DMD: variants seen among roughly 807,000 people sequenced by gnomAD.
The protein encoded by DMD is dystrophin, also known as mutant dystrophin.
Under a neutral mutation model 330.1 loss-of-function variants are expected in DMD, and 63 were observed. The observed-to-expected ratio is 0.19, with a 90% confidence interval of 0.16 to 0.24. The LOEUF (loss-of-function observed/expected upper bound fraction) is 0.24, where lower values mean the gene tolerates loss of function less well. Ranked by LOEUF, DMD falls within the 10% of genes least tolerant of loss-of-function variation. The pLI, the probability that DMD is intolerant of heterozygous loss-of-function variation, is 1.00. For missense variants in DMD, 3,344 were observed against 2,684.1 expected, an observed-to-expected ratio of 1.25 and a Z score of -5.43; for synonymous variants, 1,223 against 959.8, an observed-to-expected ratio of 1.27 and a Z score of -5.07.
chrX:31,719,497 G>A (rs1603451069), intron 52 of DMD, among the ~76,000 whole-genome samples: 1 of 111,770 alleles, frequency 8.9e-6, no homozygotes, highest in East Asian at 2.8e-4. Flanking sequence ...GCCAGGCTGA[G>A]TGGACCTGAG....
chrX:32,775,354 C>G (rs2074032351), intron 7 of DMD, among the ~76,000 whole-genome samples: 1 of 112,702 alleles, frequency 8.9e-6, no homozygotes, highest in African/African-American at 3.2e-5. Context: ...GGGGGAAGGG[C>G]TCCAACCCCA....
At chrX:31,122,523 G>A (rs955298504) in intron 78 of DMD, among the ~76,000 whole-genome samples, 1 of 111,253 alleles carries the variant, frequency 9.0e-6, no homozygotes, top group Non-Finnish European at 1.9e-5. Context: ...TATGGTGGAG[G>A]TGGCTATTTT....
At chrX:32,999,516 A>T (rs1439420688) in intron 2 of DMD, among the ~76,000 whole-genome samples, 1 of 111,576 alleles carries the variant, frequency 9.0e-6, no homozygotes, top group East Asian at 2.8e-4. Context: ...ATTGATGACC[A>T]ACGCAGAATC....
At chrX:32,408,816 A>T (rs1026602872) in intron 30 of DMD, among the ~76,000 whole-genome samples, 1 of 111,516 alleles carries the variant, frequency 9.0e-6, no homozygotes, top group East Asian at 2.8e-4. Flanking sequence ...TTTTGTTAAT[A>T]CAATGCATTG....
At chrX:32,925,113 A>T (rs1188520695) in intron 2 of DMD, among the ~76,000 whole-genome samples, 1 of 103,537 alleles carries the variant, frequency 9.7e-6, no homozygotes, top group Admixed American at 1.1e-4. Context: ...GTATTTTTCC[A>T]AATGACTAAG....
chrX:31,666,712 A>G (rs1245533760), intron 53 of DMD, among the ~76,000 whole-genome samples: 1 of 112,078 alleles, frequency 8.9e-6, no homozygotes, highest in Non-Finnish European at 1.9e-5. Context: ...TTTCTGAACT[A>G]CAGGTAACAT....
At chrX:31,718,870 CAA>C (rs953405541) in intron 52 of DMD, among the ~76,000 whole-genome samples, 3 of 111,285 alleles carry the variant, frequency 2.7e-5, no homozygotes, top group Non-Finnish European at 3.8e-5. Context: ...ATCCTAACAC[CAA>C]ACTAGTATGG....
rs189533833 is a variant in DMD at position 33,256,631 on chromosome X, G to T, written c.7+82628C>A. On this transcript the variant is annotated intron_variant, in intron 1 of 17. Coordinates refer to the DMD transcript ENST00000288447. ...TGTACACCTGTCATCTCAAAAGAAG[G>T]TATATTTACATATTAATTTTATATT... Among the ~76,000 whole-genome samples the T allele has an allele frequency of 1.0e-4, 11 of 108,344 alleles. No individual in the cohort carries two copies. The East Asian group carries it at 2.6e-3, about 25-fold the overall frequency. 94.1% of individuals were successfully genotyped at this position (108,344 alleles called of 115,157 possible). A position where few individuals can be genotyped will look rare whatever the true frequency, so the allele number is the denominator to read the frequency against.
intron 44 of DMD, among the ~76,000 whole-genome samples, chrX:32,136,868 G>T (rs111861684): frequency 1.8e-5 from 2 of 108,532 alleles, no homozygotes; most frequent in African/African-American, 6.7e-5. Context: ...GTGGGGTGGG[G>T]GGAAGGGGGA....
Position 31,449,783 on chromosome X carries a change from T to TAGATAGATAGATAG in DMD, c.8938-5157_8938-5156insCTATCTATCTATCT, listed in dbSNP as rs1270288954. Among the ~76,000 whole-genome samples the TAGATAGATAGATAG allele has an allele frequency of 3.7e-4, 34 of 90,949 alleles. No individual in the cohort carries two copies. In the South Asian group the frequency reaches 3.9e-3, roughly 10 times the overall value. The allele number at this position is 90,949 out of a possible 115,157, so 79.0% of individuals were successfully genotyped here. ...GGTGTGATATATATATATATATATA[T>TAGATAGATAGATAG]ATATATATATATATAGATAGATAGA... is the stretch of plus-strand genomic sequence containing the variant. On this transcript the variant is annotated intron_variant, in intron 59 of 78. Coordinates refer to ENST00000357033, the MANE Select transcript of DMD (RefSeq NM_004006.3).
At chrX:32,999,805 A>AAAAAG (rs1569548093) in intron 2 of DMD, among the ~76,000 whole-genome samples, 1 of 94,781 alleles carries the variant, frequency 1.1e-5, no homozygotes, top group South Asian at 4.5e-4. Context: ...AAAACAAAAA[A>AAAAAG]CAAAAAAAAA....
rs112168213 is a variant in DMD at position 32,655,147 on chromosome X, C to T, written c.961-9995G>A. ...TGTGTCTCTATTTCCTTCAGTTGGG[C>T]TCTGATCTTAGTTATTTCTTGCCTT... is the stretch of plus-strand genomic sequence containing the variant. On this transcript the variant is annotated intron_variant, in intron 9 of 78. Transcript: ENST00000357033. 4.9e-3 allele frequency among the ~76,000 whole-genome samples: 549 copies of T among 111,466 alleles called. 2 individuals carry two copies. Among genetic ancestry groups the T allele is most frequent in the Non-Finnish European group, 8.2e-3 (437 of 53,113 alleles).
intron 1 of DMD, among the ~76,000 whole-genome samples, chrX:33,236,913 A>AT (rs1460475631): frequency 1.8e-5 from 2 of 111,024 alleles, no homozygotes; most frequent in African/African-American, 6.6e-5. Context: ...AATTATGTAT[A>AT]TTTTATCAGC....
chrX:32,574,923 G>T (rs186839164), intron 13 of DMD, among the ~76,000 whole-genome samples: 3,454 of 105,544 alleles, frequency 0.033, 136 homozygotes, highest in African/African-American at 0.11. Context: ...TGTAGACAGA[G>T]TTTTGCTCCT....
chrX:31,705,809 T>G (rs2084142591), intron 52 of DMD, among the ~76,000 whole-genome samples: 1 of 111,506 alleles, frequency 9.0e-6, no homozygotes, highest in Non-Finnish European at 1.9e-5. Context: ...ATAGATGAAA[T>G]AGGTGAGAGG....
chrX:33,165,953 A>G (rs989657201), intron 1 of DMD, among the ~76,000 whole-genome samples: 1 of 111,406 alleles, frequency 9.0e-6, no homozygotes, highest in African/African-American at 3.3e-5. Flanking sequence ...GAAGCGCTCA[A>G]GTTTTGATGT....
At chrX:32,914,078 A>G (rs1938326865) in intron 2 of DMD, among the ~76,000 whole-genome samples, 1 of 111,719 alleles carries the variant, frequency 9.0e-6, no homozygotes, top group Non-Finnish European at 1.9e-5. Flanking sequence ...AATCCAAACT[A>G]AGACAAACTG....
intron 45 of DMD, among the ~76,000 whole-genome samples, chrX:31,965,255 T>C (rs774733884): frequency 3.9e-4 from 44 of 111,523 alleles, no homozygotes; most frequent in Non-Finnish European, 7.4e-4. Flanking sequence ...GATGAGATTC[T>C]GGGCAGATAA....
intron 7 of DMD, among the ~76,000 whole-genome samples, chrX:32,794,477 T>A (rs777231142): frequency 9.0e-6 from 1 of 111,648 alleles, no homozygotes; most frequent in Non-Finnish European, 1.9e-5. Flanking sequence ...TGGTCCCAGC[T>A]GCTCGGGAGG....
Sources: allele counts gnomAD v4.1 joint callset (sites outside exome capture counted in the v4.1 genomes callset), GRCh38; gene constraint gnomAD v4.1.1; transcripts MANE v1.5; gene names NCBI Gene and HGNC (gene_info 2026-07-23, HGNC 2026-07-21).